XPA: variants seen among roughly 807,000 people sequenced by gnomAD.
XPA encodes XPA, DNA damage recognition and repair factor.
Under a neutral mutation model 35.7 loss-of-function variants are expected in XPA, and 27 were observed. The ratio of observed to expected loss-of-function variants is 0.76; its 90% confidence interval spans 0.56 to 1.04. The LOEUF (loss-of-function observed/expected upper bound fraction) is 1.04, where lower values mean the gene tolerates loss of function less well. XPA is among the 50% of genes least tolerant of loss of function. The pLI is 0.00. For missense variants in XPA, 354 were observed against 342.7 expected (o/e 1.03, Z -0.26); for synonymous variants, 133 against 118.4 (o/e 1.12, Z -0.80).
At chr9:97,689,784 T>TTAA (rs1554702022) in intron 2 of XPA, 145 bp from the exon 3 acceptor site, 40 of 401,450 alleles carry the variant, frequency 1.0e-4, no homozygotes, top group East Asian at 7.7e-4. Context: ...TATGTTTATC[T>TTAA]AAAAAAAAAA....
At chr9:97,661,947 A>G in the XPA span, 5 of 785,532 alleles carry the variant, frequency 6.4e-6, no homozygotes, top group Middle Eastern at 5.5e-4. Context: ...ATATCTGTGT[A>G]TAGATGTGAG....
At chr9:97,679,859 G>A (rs1206394296) in intron 5 of XPA, among the ~76,000 whole-genome samples, 1 of 152,156 alleles carries the variant, frequency 6.6e-6, no homozygotes, top group Non-Finnish European at 1.5e-5. Flanking sequence ...TGTGTCTACT[G>A]ATAAATGCTC....
At chr9:97,665,395 C>T in the XPA span, among the ~76,000 whole-genome samples, 1 of 152,318 alleles carries the variant, frequency 6.6e-6, no homozygotes, top group East Asian at 1.9e-4. Context: ...CCACATTTTA[C>T]AGAATAGGGA....
Position 97,687,105 on chromosome 9 carries a change from T to G in XPA, c.546A>C (p.Leu182Phe). Residue 182 changes from leucine to phenylalanine, a missense_variant, in exon 4 of 6, where the codon TTA becomes TTC. Coordinates refer to ENST00000375128, the MANE Select transcript of XPA (RefSeq NM_000380.4). ...HSQWGDMKLY[L>F]KLQIVKRSLE... ...ACAACTTATTAGAGACCTGTAACTT[T>G]AAGTAGAGTTTCATATCACCCCATT... 1 of 1,610,356 alleles carries G rather than the reference T, an allele frequency of 6.2e-7. No individual in the cohort carries two copies. The highest frequency in any genetic ancestry group is 8.5e-7 in the Non-Finnish European group (1 of 1,178,988).
chr9:97,672,495 G>A (rs1828221598), downstream of XPA: 1 of 152,148 alleles, frequency 6.6e-6, no homozygotes, highest in African/African-American at 2.4e-5. Context: ...AAAAATCCAG[G>A]TTGCGTGGCT....
rs1432674891 is a variant in XPA at position 97,697,263 on chromosome 9, C to G, written c.30G>C (p.Glu10Asp). MAAADGALP[E>D]AAALEQPAEL... ...CCGCGGGTTGCTCTAAAGCCGCCGC[C>G]TCCGGCAAAGCCCCGTCGGCCGCCG... The change falls in exon 1 of 6, where the codon GAG (glutamate) becomes GAC (aspartate). Residue 10 changes from glutamate (E) to aspartate (D), a missense_variant. Glu to Asp is a conservative substitution (Grantham distance 45, BLOSUM62 2). Transcript: ENST00000375128. The G allele has an allele frequency of 6.3e-7, 1 of 1,599,486 alleles. No homozygotes were observed.
At chr9:97,685,130 A>G in intron 4 of XPA, 90 bp from the exon 5 acceptor site, 2 of 984,550 alleles carry the variant, frequency 2.0e-6, no homozygotes, top group Non-Finnish European at 3.2e-6. Context: ...GTACCAAAGA[A>G]TGATCTAACT....
intron 5 of XPA, among the ~76,000 whole-genome samples, chr9:97,681,731 A>C (rs981246368): frequency 6.6e-6 from 1 of 152,174 alleles, no homozygotes; most frequent in Non-Finnish European, 1.5e-5. Context: ...TGAAGTTTTG[A>C]AATCAAAACA....
chr9:97,697,153 GGCCGGGCA>G lies in XPA; in HGVS notation c.132_139del (p.Ala45LeufsTer14). 1 of 1,568,092 alleles carries G rather than the reference GGCCGGGCA, an allele frequency of 6.4e-7. No individual in the cohort carries two copies. Among genetic ancestry groups the G allele is most frequent in the Non-Finnish European group, 8.6e-7 (1 of 1,160,186 alleles). On this transcript the variant is annotated frameshift_variant, in exon 1 of 6. Coordinates refer to ENST00000375128, the MANE Select transcript of XPA (RefSeq NM_000380.4). LOFTEE classifies it high-confidence loss of function. The stretch of plus-strand genomic sequence containing the variant: ...AGCCGCAGCCGCCGTCGCCGAGTAG[GGCCGGGCA>G]GCCAGCCGGGCCTGGCGCAGCATCA...
chr9:97,687,375 T>C, intron 3 of XPA, 114 bp from the exon 4 acceptor site: 1 of 813,394 alleles, frequency 1.2e-6, no homozygotes, highest in South Asian at 2.3e-5. Context: ...AAATACTTTT[T>C]CCTGCAACTC....
rs1293003820 is a variant in XPA, at chr9:97,693,884, T to C, written c.173-125A>G. On this transcript the variant is annotated intron_variant, in intron 1 of 5. Coordinates refer to ENST00000375128, the MANE Select transcript of XPA (RefSeq NM_000380.4). ...ACAACACAAGGATGTCCACAATCACTACTTCTATTCAACATTATACTGAAG... is the reference window on the plus strand; with the variant it reads ...ACAACACAAGGATGTCCACAATCACCACTTCTATTCAACATTATACTGAAG... 9 of 891,342 alleles carry C rather than the reference T, an allele frequency of 1.0e-5. No individual in the cohort carries two copies. The East Asian group carries it at 2.1e-4, about 21-fold the overall frequency. The allele number at this position is 891,342 out of a possible 1,614,324, so 55.2% of individuals were successfully genotyped here. A position where few individuals can be genotyped will look rare whatever the true frequency, so the allele number is the denominator to read the frequency against.
At chr9:97,673,801 G>A (rs1208260232), downstream of XPA, 1 of 152,146 alleles carries the variant, frequency 6.6e-6, no homozygotes, top group Middle Eastern at 3.2e-3. Flanking sequence ...ATGAGGAAGG[G>A]ACCTTGCCAA....
chr9:97,678,384 G>GAGCA (rs749124555), intron 5 of XPA, among the ~76,000 whole-genome samples: 12 of 152,034 alleles, frequency 7.9e-5, no homozygotes, highest in Non-Finnish European at 1.8e-4. Context: ...CTGGGTGACA[G>GAGCA]AGCAATACTA....
intron 2 of XPA, among the ~76,000 whole-genome samples, chr9:97,692,199 G>A (rs1395928197): frequency 2.6e-5 from 4 of 151,888 alleles, no homozygotes; most frequent in Non-Finnish European, 5.9e-5. Flanking sequence ...GCTGAGGCAG[G>A]AGAATCGCTT....
the XPA span, chr9:97,666,818 C>T: frequency 7.6e-5 from 122 of 1,610,128 alleles, no homozygotes; most frequent in South Asian, 1.3e-3. Context: ...CAAACATGTC[C>T]TGAAGATCCA....
chr9:97,656,204 AT>A, the XPA span: 1 of 826,346 alleles, frequency 1.2e-6, no homozygotes, highest in Non-Finnish European at 1.9e-6. Context: ...CTTCCATCCC[AT>A]TTTTAATCAA....
At chr9:97,686,209 C>T (rs1828711939) in intron 4 of XPA, among the ~76,000 whole-genome samples, 1 of 152,256 alleles carries the variant, frequency 6.6e-6, no homozygotes, top group South Asian at 2.1e-4. Context: ...CAATGCCTCC[C>T]AATATTTTAA....
intron 5 of XPA, 126 bp downstream of exon 5, chr9:97,684,797 A>AC: frequency 1.1e-6 from 1 of 885,516 alleles, no homozygotes; most frequent in South Asian, 1.4e-5. Context: ...ACTGTAAGTC[A>AC]TTTTTTTCAA....
the XPA span, among the ~76,000 whole-genome samples, chr9:97,658,214 T>A: frequency 6.6e-6 from 1 of 152,186 alleles, no homozygotes; most frequent in Non-Finnish European, 1.5e-5. Context: ...TGTGTATATA[T>A]GCCTCCAATT....
Sources: gnomAD v4.1 joint callset for allele counts (sites outside exome capture counted in the v4.1 genomes callset) on GRCh38, gnomAD v4.1.1 for gene constraint, MANE v1.5 for transcripts, NCBI Gene and HGNC (gene_info 2026-07-23, HGNC 2026-07-21) for gene names.